DNAH1: variants seen among roughly 807,000 people sequenced by gnomAD.
DNAH1 encodes the protein axonemal beta dynein heavy chain 1.
A neutral mutation model predicts 484.3 loss-of-function variants in DNAH1; 327 were observed. The ratio of observed to expected loss-of-function variants is 0.68; its 90% confidence interval spans 0.62 to 0.74. The LOEUF (loss-of-function observed/expected upper bound fraction) is 0.74. DNAH1 is among the 30% of genes least tolerant of loss of function. DNAH1 has a pLI of 0.00. For missense variants in DNAH1, 5,052 were observed against 5,546.8 expected (o/e 0.91, Z 2.83); for synonymous variants, 2,192 against 2,191.9 (o/e 1.00, Z 0.00).
chr3:52,361,439 G>A lies in DNAH1; in HGVS notation c.4874+87G>A. 7.0e-7 allele frequency: 1 copy of A among 1,435,188 alleles called. No individual in the cohort carries two copies. Among genetic ancestry groups the A allele is most frequent in the Admixed American group, 2.5e-5 (1 of 40,548 alleles). The allele number at this position is 1,435,188 out of a possible 1,614,324, so 88.9% of individuals were successfully genotyped here. A position where few individuals can be genotyped will look rare whatever the true frequency, so the allele number is the denominator to read the frequency against. ...GGCTAGGTGAGGGCAGTGCCTGAGA[G>A]GGGCCTCGAAGGATGGTGGAGGGGA... On this transcript the variant is annotated intron_variant, in intron 29 of 77. Coordinates refer to ENST00000420323, the MANE Select transcript of DNAH1 (RefSeq NM_015512.5). This position sits in a 1 kb window ranked among gnomAD's most constrained non-coding sequence, Gnocchi z 5.6.
In DNAH1 at chr3:52,399,006, G is replaced by A. The variant is rs199592033; in HGVS notation, c.12246G>A (p.Ser4082=). Residue 4082 remains serine, a synonymous_variant, in exon 76 of 78, where the codon TCG becomes TCA. Coordinates refer to ENST00000420323, the MANE Select transcript of DNAH1 (RefSeq NM_015512.5). ...TCTGGAGTGCCAAGGCCTACCCATC[G>A]CTCAAGCCTCTGTCATCATGGGTCA... ...PELWSAKAYP[S]LKPLSSWVMD... The A allele has an allele frequency of 1.8e-4, 292 of 1,613,954 alleles. No homozygotes were observed. Among genetic ancestry groups the A allele is most frequent in the Admixed American group, 5.3e-4 (32 of 60,014 alleles).
chr3:52,397,825 T>C lies in DNAH1; in HGVS notation c.11906T>C (p.Ile3969Thr). The C allele has an allele frequency of 6.2e-7, 1 of 1,612,828 alleles. No individual in the cohort carries two copies. Among genetic ancestry groups the C allele is most frequent in the Non-Finnish European group, 8.5e-7 (1 of 1,179,312 alleles). Residue 3969 changes from isoleucine (I) to threonine (T), a missense_variant, in exon 74 of 78, where the codon ATC (isoleucine) becomes ACC (threonine). This residue lies in a region of DNAH1 where 853 missense variants were observed against 899.0 expected (regional missense o/e 0.95). Transcript: ENST00000420323. ...GAGACGTTCGCCCTCCTGGGCACCA[T>C]CATCCAGCTGCAACCCAAATCATCT... ...QNETFALLGT[I>T]IQLQPKSSSA...
In DNAH1 at chr3:52,349,402, G is replaced by T. The variant is rs780546863; in HGVS notation, c.2508G>T (p.Leu836=). 1 of 1,613,694 alleles carries T rather than the reference G, an allele frequency of 6.2e-7. No homozygotes were observed. The highest frequency in any genetic ancestry group is 8.5e-7 in the Non-Finnish European group (1 of 1,179,872). ...TSVLDILAKN[L]HKEVDSICEE... ...TGCTGGACATCCTTGCCAAGAACCT[G>T]CATAAGGAGGTGGATAGCGTAAGTG... The change falls in exon 14 of 78, where the codon CTG becomes CTT. Residue 836 remains leucine, a synonymous_variant. Transcript: ENST00000420323.
At position 52,366,345 on chromosome 3, in the gene DNAH1, G is replaced by A. The variant is rs1291255213; in HGVS notation, c.5519-112G>A. ...ACCACCATCCTCATTTTATAGATGAGGAAATTGAGGCTCAGGGAGTGCAGT... is the reference window on the plus strand; with the variant it reads ...ACCACCATCCTCATTTTATAGATGAAGAAATTGAGGCTCAGGGAGTGCAGT... On this transcript the variant is annotated intron_variant, in intron 34 of 77. Coordinates refer to ENST00000420323, the MANE Select transcript of DNAH1 (RefSeq NM_015512.5). 10 of 803,470 alleles carry A rather than the reference G, an allele frequency of 1.2e-5. No homozygotes were observed. The African/African-American group carries it at 1.6e-4, about 12-fold the overall frequency. The allele number at this position is 803,470 out of a possible 1,614,324, so 49.8% of individuals were successfully genotyped here.
intron 10 of DNAH1, among the ~76,000 whole-genome samples, chr3:52,346,091 GTC>G (rs1475895708): frequency 4.6e-5 from 7 of 152,172 alleles, no homozygotes; most frequent in Non-Finnish European, 1.5e-5. Context: ...ACTCAACTCT[GTC>G]TCTGTCTGTC....
chr3:52,399,398 A>G (rs1056532444), intron 76 of DNAH1, 147 bp from the exon 77 acceptor site: 40 of 926,006 alleles, frequency 4.3e-5, no homozygotes, highest in East Asian at 2.5e-5. Context: ...CAGGGCACAG[A>G]CCACAGGCCA....
At chr3:52,345,795 G>A (rs2153223749) in intron 10 of DNAH1, 89 bp downstream of exon 10, 1 of 1,337,174 alleles carries the variant, frequency 7.5e-7, no homozygotes, top group Non-Finnish European at 1.0e-6. Context: ...GGAAGGCCAG[G>A]GTCAGTGGGC....
intron 63 of DNAH1, 29 bp downstream of exon 63, chr3:52,391,632 G>A: frequency 6.2e-7 from 1 of 1,612,664 alleles, no homozygotes; most frequent in South Asian, 1.1e-5. Context: ...GGACGCCCAA[G>A]CATCAGCTCT....
Position 52,364,772 on chromosome 3 carries a change from C to T in DNAH1, c.5331+48C>T, listed in dbSNP as rs745504137. 7 of 1,606,670 alleles carry T rather than the reference C, an allele frequency of 4.4e-6. No individual in the cohort carries two copies. Among genetic ancestry groups the T allele is most frequent in the Non-Finnish European group, 5.1e-6 (6 of 1,175,324 alleles). On this transcript the variant is annotated intron_variant, in intron 33 of 77. Transcript: ENST00000420323. This position sits in a 1 kb window ranked among gnomAD's most constrained non-coding sequence, Gnocchi z 4.2. ...CCAGGAGTGGAACTCTGGGAGGGCT[C>T]CTGGGCAGCTGGAGGGCAGCTGGCC...
At chr3:52,335,290 C>T (rs1159266063) in intron 8 of DNAH1, among the ~76,000 whole-genome samples, 1 of 140,750 alleles carries the variant, frequency 7.1e-6, no homozygotes, top group African/African-American at 2.7e-5. Flanking sequence ...CTCCTGACCT[C>T]GTGATCCACC....
intron 56 of DNAH1, among the ~76,000 whole-genome samples, chr3:52,387,356 T>C (rs1704153423): frequency 6.6e-6 from 1 of 152,168 alleles, no homozygotes; most frequent in African/African-American, 2.4e-5. Flanking sequence ...CTTGGGCACG[T>C]GGTCTCTCGG....
Position 52,375,429 on chromosome 3 carries a change from G to A in DNAH1, c.7159+16G>A, listed in dbSNP as rs553449428. On this transcript the variant is annotated intron_variant, in intron 45 of 77. Transcript: ENST00000420323. Reference sequence around the variant, plus strand: ...AACTGGTTGGGTGAGTATTGGTGGGGGTGAGCATGGACAAAGGCAGAAGCC... The same window carrying A: ...AACTGGTTGGGTGAGTATTGGTGGGAGTGAGCATGGACAAAGGCAGAAGCC... 2.5e-5 allele frequency: 41 copies of A among 1,608,188 alleles called. 1 individual carries two copies. The South Asian group carries it at 4.1e-4, about 16-fold the overall frequency.
intron 1 of DNAH1, among the ~76,000 whole-genome samples, chr3:52,320,760 T>G (rs1701116210): frequency 1.3e-5 from 2 of 152,032 alleles, no homozygotes; most frequent in Non-Finnish European, 2.9e-5. Context: ...AGGCCTCTAT[T>G]TCCTTTCATT....
chr3:52,396,987 G>A lies in DNAH1; in HGVS notation c.11730G>A (p.Glu3910=). The change falls in exon 73 of 78, where the codon GAG becomes GAA. Residue 3910 remains glutamate (E), a synonymous_variant. Transcript: ENST00000420323. ...DFYNPDVLSP[E]HSYSASGIYH... ...ACAACCCTGACGTGCTCTCCCCTGA[G>A]CACAGCTACAGCGCCTCGGGCATCT... 3 of 1,612,782 alleles carry A rather than the reference G, an allele frequency of 1.9e-6. No individual in the cohort carries two copies. Among genetic ancestry groups the A allele is most frequent in the Non-Finnish European group, 1.7e-6 (2 of 1,179,554 alleles).
At chr3:52,337,415 A>G (rs892082012) in intron 8 of DNAH1, among the ~76,000 whole-genome samples, 1 of 152,224 alleles carries the variant, frequency 6.6e-6, no homozygotes, top group Non-Finnish European at 1.5e-5. Context: ...TGCCTGAGAA[A>G]TCCCTCTATT....
At position 52,383,576 on chromosome 3, in the gene DNAH1, AC is replaced by A; in HGVS notation, c.8133del (p.His2711GlnfsTer6). ...AYTGRVRSNI[H>X]MVLCMSPIGE... ...ACAGGGCGTGTGCGCAGCAACATCC[AC>A]ATGGTGCTGTGCATGAGGTACAGGC... On this transcript the variant is annotated frameshift_variant, in exon 51 of 78. Transcript: ENST00000420323. LOFTEE classifies it high-confidence loss of function. 1 of 1,595,566 alleles carries A rather than the reference AC, an allele frequency of 6.3e-7. No homozygotes were observed. The highest frequency in any genetic ancestry group is 8.5e-7 in the Non-Finnish European group (1 of 1,170,686).
rs1402657419 is a variant in DNAH1 at position 52,388,883 on chromosome 3, C to T, written c.9441C>T (p.Ile3147=). 6.2e-7 allele frequency: 1 copy of T among 1,613,478 alleles called. No individual in the cohort carries two copies. Residue 3147 remains isoleucine, a synonymous_variant, in exon 59 of 78, where the codon ATC becomes ATT. Coordinates refer to ENST00000420323, the MANE Select transcript of DNAH1 (RefSeq NM_015512.5). The part of the protein sequence containing the change: ...VENLQYMLNN[I]SGDVLVAAGF... The stretch of plus-strand genomic sequence containing the variant: ...ACCTGCAGTACATGCTCAACAACAT[C>T]TCCGGCGATGTCCTGGTGGCCGCTG...
At chr3:52,397,899 G>A in intron 74 of DNAH1, 22 bp downstream of exon 74, 2 of 1,585,714 alleles carry the variant, frequency 1.3e-6, no homozygotes, top group Non-Finnish European at 1.7e-6. Context: ...CAGAGTAAGG[G>A]GCCCAAGGGC....
Position 52,364,205 on chromosome 3 carries a change from G to GA in DNAH1, c.5245-428dup, listed in dbSNP as rs1702977282. On this transcript the variant is annotated intron_variant, in intron 32 of 77. Coordinates refer to ENST00000420323, the MANE Select transcript of DNAH1 (RefSeq NM_015512.5). This position sits in a 1 kb window ranked among gnomAD's most constrained non-coding sequence, Gnocchi z 4.2. ...TGTAATGAAGAGAAACAGGCTGGGG[G>GA]AAAAAGCATGGTGGTGTGGCCAGAA... Among the ~76,000 whole-genome samples, 2 of 152,194 alleles carry GA rather than the reference G, an allele frequency of 1.3e-5. No homozygotes were observed. Among genetic ancestry groups the GA allele is most frequent in the Non-Finnish European group, 2.9e-5 (2 of 68,026 alleles).
Sources: allele counts gnomAD v4.1 joint callset (sites outside exome capture counted in the v4.1 genomes callset), GRCh38; gene constraint gnomAD v4.1.1; regional missense constraint gnomAD v4.1.1; non-coding constraint Gnocchi (gnomAD v3.1); transcripts MANE v1.5; gene names NCBI Gene and HGNC (gene_info 2026-07-23, HGNC 2026-07-21).